DSP: variants seen among roughly 807,000 people sequenced by gnomAD.
DSP encodes desmoplakin.
Under a neutral mutation model 290.6 loss-of-function variants are expected in DSP, and 114 were observed. The ratio of observed to expected loss-of-function variants is 0.39; its 90% CI spans 0.34 to 0.46. DSP has a LOEUF of 0.46. Ranked by LOEUF, DSP falls within the 20% of genes least tolerant of loss-of-function variation. The pLI is 0.99. For synonymous variants in DSP, 1,311 were observed against 1,316.4 expected (o/e 1.00, Z 0.09); for missense variants, 3,230 against 3,495.8 (o/e 0.92, Z 1.92).
Position 7,567,795 on chromosome 6 carries a change from G to A in DSP, c.1155G>A (p.Ala385=), listed in dbSNP as rs140488069. Residue 385 remains alanine (A), a synonymous_variant, in exon 10 of 24, where the codon GCG becomes GCA. Coordinates refer to ENST00000379802, the MANE Select transcript of DSP (RefSeq NM_004415.4). ...NAAYFQFFEE[A]QSTEAYLKGL... is the part of the protein sequence containing the mutation. ...ATCCTTCACAGTTTTTTGAAGAGGCGCAGTCTACTGAAGCATACCTGAAGG... is the reference window on the plus strand; with the variant it reads ...ATCCTTCACAGTTTTTTGAAGAGGCACAGTCTACTGAAGCATACCTGAAGG... 6.7e-5 allele frequency: 108 copies of A among 1,613,756 alleles called. No individual in the cohort carries two copies. Among genetic ancestry groups the A allele is most frequent in the East Asian group, 1.1e-4 (5 of 44,856 alleles).
chr6:7,578,317 T>C, intron 21 of DSP, 147 bp from the exon 22 acceptor site: 1 of 722,434 alleles, frequency 1.4e-6, no homozygotes, highest in East Asian at 2.7e-5. Flanking sequence ...TGCTGTACTT[T>C]CTTTTGCTGA....
In DSP at chr6:7,565,421, C is replaced by G. The variant is rs1190312556; in HGVS notation, c.840C>G (p.Ser280=). The change falls in exon 7 of 24, where the codon TCC becomes TCG. Residue 280 remains serine, a synonymous_variant. Transcript: ENST00000379802. This position sits in a 1 kb window ranked among gnomAD's most constrained non-coding sequence, Gnocchi z 4.2. ...TGCAGAACATCATTCAGGCCACGTCCAGGGAGATCATGTGGATCAATGACT... is the reference window on the plus strand; with the variant it reads ...TGCAGAACATCATTCAGGCCACGTCGAGGGAGATCATGTGGATCAATGACT... The part of the protein sequence containing the change: ...RQLQNIIQAT[S]REIMWINDCE... 1 of 1,614,120 alleles carries G rather than the reference C, an allele frequency of 6.2e-7. No individual in the cohort carries two copies. The highest frequency in any genetic ancestry group is 8.5e-7 in the Non-Finnish European group (1 of 1,180,020).
At position 7,566,466 on chromosome 6, in the gene DSP, T is replaced by C; in HGVS notation, c.1029T>C (p.Ala343=). 6.2e-7 allele frequency: 1 copy of C among 1,613,888 alleles called. No homozygotes were observed. The highest frequency in any genetic ancestry group is 8.5e-7 in the Non-Finnish European group (1 of 1,179,976). The change falls in exon 8 of 24, where the codon GCT becomes GCC. Residue 343 remains alanine (A), a synonymous_variant. Coordinates refer to ENST00000379802, the MANE Select transcript of DSP (RefSeq NM_004415.4). ...AACTTGTCCTCAATCAGCATCCAGC[T>C]TCAGACAAAATTGAGGTAGGCTTCA... is the stretch of plus-strand genomic sequence containing the variant. ...SDQLVLNQHP[A]SDKIEAYMDT...
chr6:7,564,908 G>A (rs1462617665), intron 6 of DSP, among the ~76,000 whole-genome samples: 1 of 152,178 alleles, frequency 6.6e-6, no homozygotes, highest in African/African-American at 2.4e-5. Context: ...ACTTTGGGGG[G>A]CCGAGGTGGG....
At chr6:7,566,610 C>T in intron 8 of DSP, 129 bp downstream of exon 8, 1 of 766,006 alleles carries the variant, frequency 1.3e-6, no homozygotes, top group Non-Finnish European at 2.1e-6. Flanking sequence ...GGGATCAATA[C>T]CCTACACCAG....
intron 1 of DSP, among the ~76,000 whole-genome samples, chr6:7,551,417 A>T (rs1758339463): frequency 6.6e-6 from 1 of 152,182 alleles, no homozygotes; most frequent in South Asian, 2.1e-4. Flanking sequence ...CCTTGAGGTC[A>T]GGAGTTTGAG....
rs1759579885 is a variant in DSP, at chr6:7,584,822, A to C, written c.7560A>C (p.Val2520=). ...ATGGCTCCACCAGGGTGGTCCTGGT[A>C]GATAGAAAGACAGGCAGTCAGTATG... ...GSDGSTRVVL[V]DRKTGSQYDI... is the part of the protein sequence containing the mutation. Residue 2520 remains valine, a synonymous_variant, in exon 24 of 24, where the codon GTA becomes GTC. Coordinates refer to ENST00000379802, the MANE Select transcript of DSP (RefSeq NM_004415.4). This position sits in a 1 kb window ranked among gnomAD's most constrained non-coding sequence, Gnocchi z 6.4. The C allele has an allele frequency of 6.2e-7, 1 of 1,614,232 alleles. No homozygotes were observed. Among genetic ancestry groups the C allele is most frequent in the South Asian group, 1.1e-5 (1 of 91,086 alleles).
chr6:7,586,307 T>TA lies in DSP; in HGVS notation c.*430dup, dbSNP rs1414664898. ...TCCATATTCTGTATTAGGAGAAAAT[T>TA]ACCCTCCCAGCACCAGCCCCCCTCT... On this transcript the variant is annotated 3_prime_UTR_variant, in exon 24 of 24. Coordinates refer to ENST00000379802, the MANE Select transcript of DSP (RefSeq NM_004415.4). 2 of 181,030 alleles carry TA rather than the reference T, an allele frequency of 1.1e-5. No individual in the cohort carries two copies. Among genetic ancestry groups the TA allele is most frequent in the Admixed American group, 1.1e-4 (2 of 18,040 alleles). The allele number at this position is 181,030 out of a possible 1,614,324, so 11.2% of individuals were successfully genotyped here.
intron 1 of DSP, among the ~76,000 whole-genome samples, chr6:7,553,603 G>A (rs1342165641): frequency 1.3e-5 from 2 of 152,124 alleles, no homozygotes; most frequent in Admixed American, 6.5e-5. Flanking sequence ...TAACAGGTAC[G>A]TTTTGGAAGG....
chr6:7,546,023 A>G (rs1161543209), intron 1 of DSP, among the ~76,000 whole-genome samples: 2 of 152,216 alleles, frequency 1.3e-5, no homozygotes, highest in African/African-American at 2.4e-5. Flanking sequence ...GCAGGTTTTC[A>G]CTGAAGCCAT....
At chr6:7,553,885 C>G (rs1320653749) in intron 1 of DSP, among the ~76,000 whole-genome samples, 1 of 152,128 alleles carries the variant, frequency 6.6e-6, no homozygotes, top group Non-Finnish European at 1.5e-5. Flanking sequence ...TCATCTAGTC[C>G]TGGCTTGTTG....
At chr6:7,578,028 C>T (rs967511049) in intron 21 of DSP, 142 bp downstream of exon 21, 1 of 709,456 alleles carries the variant, frequency 1.4e-6, no homozygotes, top group Non-Finnish European at 2.5e-6. Flanking sequence ...CAGGGTACCA[C>T]TTTAAGAGGT....
chr6:7,562,417 C>T (rs1758724257), intron 4 of DSP, among the ~76,000 whole-genome samples: 1 of 149,592 alleles, frequency 6.7e-6, no homozygotes, highest in Non-Finnish European at 1.5e-5. Context: ...TTTCAGGTTC[C>T]CATTTCTAAA....
intron 18 of DSP, 95 bp downstream of exon 18, chr6:7,575,583 G>A (rs1759215341): frequency 6.6e-7 from 1 of 1,505,540 alleles, no homozygotes; most frequent in Admixed American, 1.8e-5. Context: ...AGAAAACAGA[G>A]GTTTTGTTTT....
intron 21 of DSP, 126 bp downstream of exon 21, chr6:7,578,012 C>G (rs1445641462): frequency 2.6e-6 from 2 of 776,530 alleles, no homozygotes; most frequent in Non-Finnish European, 4.4e-6. Flanking sequence ...TGATTTCATC[C>G]CATTACAGGG....
intron 13 of DSP, 43 bp from the exon 14 acceptor site, chr6:7,571,340 G>A (rs1374211553): frequency 3.1e-6 from 5 of 1,610,532 alleles, no homozygotes; most frequent in Non-Finnish European, 4.2e-6. Flanking sequence ...TGCATTGTGG[G>A]GCAGTCATAA....
chr6:7,574,223 C>A lies in DSP; in HGVS notation c.2268C>A (p.Ile756=). The change falls in exon 16 of 24, where the codon ATC becomes ATA. Residue 756 remains isoleucine, a synonymous_variant. Transcript: ENST00000379802. Reference sequence around the variant, plus strand: ...GACTATTTCAGAAACTGGAAAATATCAATGGTGTTACAGATGGCTACTTAA... The same window carrying A: ...GACTATTTCAGAAACTGGAAAATATAAATGGTGTTACAGATGGCTACTTAA... ...VFGLFQKLEN[I]NGVTDGYLNS... 6.2e-7 allele frequency: 1 copy of A among 1,613,962 alleles called. No individual in the cohort carries two copies. Among genetic ancestry groups the A allele is most frequent in the South Asian group, 1.1e-5 (1 of 91,068 alleles).
intron 1 of DSP, among the ~76,000 whole-genome samples, chr6:7,552,662 GTTTT>G (rs67361560): frequency 5.5e-5 from 6 of 109,472 alleles, no homozygotes; most frequent in South Asian, 3.0e-4. Flanking sequence ...GTTACCTGTT[GTTTT>G]TTTTTTTTTT....
chr6:7,554,165 G>T (rs1294418924), intron 1 of DSP, among the ~76,000 whole-genome samples: 2 of 140,954 alleles, frequency 1.4e-5, no homozygotes, highest in Admixed American at 1.5e-4. Flanking sequence ...AGCAGGCTCA[G>T]GCTGGCCCTG....
Sources: gnomAD v4.1 joint callset for allele counts (sites outside exome capture counted in the v4.1 genomes callset) on GRCh38, gnomAD v4.1.1 for gene constraint, Gnocchi (gnomAD v3.1) non-coding constraint, MANE v1.5 for transcripts, NCBI Gene and HGNC (gene_info 2026-07-23, HGNC 2026-07-21) for gene names.